The following SLC6A17 variants were observed in gnomAD, a reference collection of about 807,000 sequenced individuals.
SLC6A17 encodes the protein sodium-dependent neutral amino acid transporter SLC6A17.
In SLC6A17, 21 loss-of-function variants were observed where a neutral mutation model predicts 64.5. The observed-to-expected ratio is 0.33, with a 90% CI of 0.23 to 0.47. The LOEUF is 0.47. SLC6A17 is among the 20% of genes least tolerant of loss of function. SLC6A17 has a pLI of 1.00. For missense variants in SLC6A17, 682 were observed against 963.2 expected, an observed-to-expected ratio of 0.71 and a Z score of 3.86; for synonymous variants, 372 against 399.5, an observed-to-expected ratio of 0.93 and a Z score of 0.82.
intron 1 of SLC6A17, among the ~76,000 whole-genome samples, chr1:110,157,683 C>T (rs539494724): frequency 6.6e-6 from 1 of 152,236 alleles, no homozygotes; most frequent in South Asian, 2.1e-4. Context: ...GAAAGAAAAC[C>T]CCAACTCCTT....
chr1:110,161,217 G>A (rs1655901397), intron 1 of SLC6A17, among the ~76,000 whole-genome samples: 1 of 152,216 alleles, frequency 6.6e-6, no homozygotes, highest in Admixed American at 6.5e-5. Flanking sequence ...CCTGTTTTGG[G>A]CTCAGTAAAA....
rs1203166292 is a variant in SLC6A17, at chr1:110,199,855, GGATA to G, written c.*1415_*1418del. On this transcript the variant is annotated 3_prime_UTR_variant, in exon 12 of 12. Coordinates refer to ENST00000331565, the MANE Select transcript of SLC6A17 (RefSeq NM_001010898.4). The stretch of plus-strand genomic sequence containing the variant: ...TCTGCAGAGAGATGGATGGATGGAT[GGATA>G]GATGGATGGATGGGTTGGGGAGTGG... The G allele has an allele frequency of 5.3e-5, 21 of 393,618 alleles. No homozygotes were observed. The allele number at this position is 393,618 out of a possible 1,614,324, so 24.4% of individuals were successfully genotyped here. A position where few individuals can be genotyped will look rare whatever the true frequency, so the allele number is the denominator to read the frequency against.
chr1:110,187,502 T>C (rs143218847), intron 6 of SLC6A17, among the ~76,000 whole-genome samples: 1 of 152,372 alleles, frequency 6.6e-6, no homozygotes, highest in East Asian at 1.9e-4. Context: ...TTACAGTTCA[T>C]GATGTACAGA....
At chr1:110,195,407 A>G (rs1656935096) in intron 9 of SLC6A17, among the ~76,000 whole-genome samples, 179 bp from the exon 10 acceptor site, 2 of 152,186 alleles carry the variant, frequency 1.3e-5, no homozygotes, top group Admixed American at 6.5e-5. Flanking sequence ...CGACTAGTAG[A>G]GCGGGGCTCA....
intron 1 of SLC6A17, among the ~76,000 whole-genome samples, chr1:110,157,552 G>A (rs1405429119): frequency 1.3e-5 from 2 of 151,750 alleles, no homozygotes; most frequent in Non-Finnish European, 2.9e-5. Context: ...CAGCCTGGGC[G>A]ACAAAGCAAG....
In SLC6A17 at chr1:110,199,868, G is replaced by C; in HGVS notation, c.*1424G>C. The C allele has an allele frequency of 2.6e-6, 1 of 391,698 alleles. No individual in the cohort carries two copies. The highest frequency in any genetic ancestry group is 2.1e-5 in the African/African-American group (1 of 48,118). The allele number at this position is 391,698 out of a possible 1,614,324, so 24.3% of individuals were successfully genotyped here. A position where few individuals can be genotyped will look rare whatever the true frequency, so the allele number is the denominator to read the frequency against. On this transcript the variant is annotated 3_prime_UTR_variant, in exon 12 of 12. Transcript: ENST00000331565. ...GGATGGATGGATGGATAGATGGATG[G>C]ATGGGTTGGGGAGTGGGGGTGGATG...
At position 110,198,571 on chromosome 1, in the gene SLC6A17, C is replaced by T. The variant is rs1463451367; in HGVS notation, c.*127C>T. Reference sequence around the variant, plus strand: ...CTTTGCCCAAGAAGAGAGGGTCTGCCCTGCCTCACTCCCCTCTTCAGTCCC... The same window carrying T: ...CTTTGCCCAAGAAGAGAGGGTCTGCTCTGCCTCACTCCCCTCTTCAGTCCC... On this transcript the variant is annotated 3_prime_UTR_variant, in exon 12 of 12. Coordinates refer to ENST00000331565, the MANE Select transcript of SLC6A17 (RefSeq NM_001010898.4). 30 of 1,449,456 alleles carry T rather than the reference C, an allele frequency of 2.1e-5. No individual in the cohort carries two copies. The highest frequency in any genetic ancestry group is 2.7e-5 in the Non-Finnish European group (29 of 1,088,798). The allele number at this position is 1,449,456 out of a possible 1,614,324, so 89.8% of individuals were successfully genotyped here.
In SLC6A17 at chr1:110,201,058, A is replaced by T. The variant is rs560098919; in HGVS notation, c.*2614A>T. ...AAGGAGGGCGTTAAGGGAAAAAAAA[A>T]ATCCTCAAATTTATTTACCAGTCAG... On this transcript the variant is annotated 3_prime_UTR_variant, in exon 12 of 12. Transcript: ENST00000331565. 6.6e-6 allele frequency: 1 copy of T among 152,194 alleles called. No individual in the cohort carries two copies. Among genetic ancestry groups the T allele is most frequent in the South Asian group, 2.1e-4 (1 of 4,822 alleles). The allele number at this position is 152,194 out of a possible 1,614,324, so 9.4% of individuals were successfully genotyped here.
rs529552953 is a variant in SLC6A17, at chr1:110,159,693, G to A, written c.-87-7150G>A. ...ACAAATACTGGCTCTTTTGAAAGTG[G>A]CCAAAAGTCACAAAGGGATGGCCAG... On this transcript the variant is annotated intron_variant, in intron 1 of 11. Transcript: ENST00000331565. Among the ~76,000 whole-genome samples, 18 of 152,280 alleles carry A rather than the reference G, an allele frequency of 1.2e-4. No homozygotes were observed. The Middle Eastern group carries it at 0.01, about 86-fold the overall frequency.
chr1:110,175,466 C>T lies in SLC6A17; in HGVS notation c.753+506C>T, dbSNP rs1345183848. ...CTCTGAGGGGTAGACCAGCCAAGCC[C>T]CACACCTCTTCCCAGCATTTCAGAT... On this transcript the variant is annotated intron_variant, in intron 5 of 11. Coordinates refer to ENST00000331565, the MANE Select transcript of SLC6A17 (RefSeq NM_001010898.4). 2.6e-5 allele frequency among the ~76,000 whole-genome samples: 4 copies of T among 152,288 alleles called. No individual in the cohort carries two copies. In the East Asian group the frequency reaches 7.7e-4, roughly 29 times the overall value.
At chr1:110,166,093 G>A (rs1421846649) in intron 1 of SLC6A17, 1 of 152,234 alleles carries the variant, frequency 6.6e-6, no homozygotes, top group Non-Finnish European at 1.5e-5. Flanking sequence ...TGGAGAACCA[G>A]CTCTTGGCTG....
At chr1:110,176,841 G>GCC (rs1656389714) in intron 6 of SLC6A17, 102 bp downstream of exon 6, 44 of 1,007,808 alleles carry the variant, frequency 4.4e-5, no homozygotes, top group Non-Finnish European at 6.5e-5. Context: ...CCGAACACCT[G>GCC]CTATGTGTTG....
intron 6 of SLC6A17, 67 bp from the exon 7 acceptor site, chr1:110,191,905 G>A: frequency 1.3e-6 from 2 of 1,564,676 alleles, no homozygotes; most frequent in South Asian, 1.2e-5. Flanking sequence ...GAAAGGGGGT[G>A]TGCACATGAA....
intron 11 of SLC6A17, 59 bp downstream of exon 11, chr1:110,197,658 A>G (rs1353535169): frequency 1.1e-5 from 16 of 1,505,626 alleles, no homozygotes; most frequent in Non-Finnish European, 1.4e-5. Context: ...CTTGAATGCA[A>G]CCACTGATAG....
chr1:110,195,047 G>C (rs1656924174), intron 9 of SLC6A17: 2 of 501,034 alleles, frequency 4.0e-6, no homozygotes, highest in East Asian at 7.6e-5. Context: ...GGCCTGCTGA[G>C]TCGTCTTGGG....
intron 2 of SLC6A17, among the ~76,000 whole-genome samples, chr1:110,170,972 C>G (rs1656209096): frequency 6.6e-6 from 1 of 152,202 alleles, no homozygotes; most frequent in Non-Finnish European, 1.5e-5. Flanking sequence ...CACTGTCCCC[C>G]CGCTGCCTGT....
rs1655573531 is a variant in SLC6A17 at position 110,150,741 on chromosome 1, C to CG, written c.-228dup. Reference sequence around the variant, plus strand: ...GAGGAGCGAGCGGAGTCGCGTGCGCCGGCGCGCAGCTCCGGGTCGCCCCAG... The same window carrying CG: ...GAGGAGCGAGCGGAGTCGCGTGCGCCGGGCGCGCAGCTCCGGGTCGCCCCAG... On this transcript the variant is annotated 5_prime_UTR_variant, in exon 1 of 12. Coordinates refer to ENST00000331565, the MANE Select transcript of SLC6A17 (RefSeq NM_001010898.4). 6.6e-6 allele frequency: 1 copy of CG among 152,150 alleles called. No individual in the cohort carries two copies. The highest frequency in any genetic ancestry group is 2.4e-5 in the African/African-American group (1 of 41,440). 9.4% of individuals were successfully genotyped at this position (152,150 alleles called of 1,614,324 possible).
At chr1:110,171,857 A>C (rs957310594) in intron 2 of SLC6A17, among the ~76,000 whole-genome samples, 2 of 152,012 alleles carry the variant, frequency 1.3e-5, no homozygotes, top group African/African-American at 4.8e-5. Flanking sequence ...AGGGGAGTCA[A>C]GGGGGAGAAG....
chr1:110,152,023 T>C (rs962346893), intron 1 of SLC6A17, among the ~76,000 whole-genome samples: 1 of 152,182 alleles, frequency 6.6e-6, no homozygotes, highest in Non-Finnish European at 1.5e-5. Context: ...GCCAAAACTT[T>C]AGTTAGCGCC....
Sources: gnomAD v4.1 joint callset for allele counts (sites outside exome capture counted in the v4.1 genomes callset) on GRCh38, gnomAD v4.1.1 for gene constraint, MANE v1.5 for transcripts, NCBI Gene and HGNC (gene_info 2026-07-23, HGNC 2026-07-21) for gene names.